RANBP17: variants seen among roughly 807,000 people sequenced by gnomAD.
RANBP17 encodes the protein RAN binding protein 17.
A neutral mutation model predicts 141.2 loss-of-function variants in RANBP17; 158 were observed. The observed-to-expected ratio is 1.12, with a 90% CI of 0.98 to 1.28. The LOEUF (loss-of-function observed/expected upper bound fraction) is 1.28, where lower values mean the gene tolerates loss of function less well. Ranked by LOEUF, RANBP17 falls within the 50% of genes most tolerant of loss-of-function variation. RANBP17 has a pLI of 0.00. For synonymous variants in RANBP17, 430 were observed against 450.0 expected, an observed-to-expected ratio of 0.96 and a Z score of 0.56; for missense variants, 1,438 against 1,290.7, an observed-to-expected ratio of 1.11 and a Z score of -1.75.
chr5:171,184,027 C>G (rs1415568967), intron 18 of RANBP17, among the ~76,000 whole-genome samples: 1 of 152,062 alleles, frequency 6.6e-6, no homozygotes, highest in African/African-American at 2.4e-5. Flanking sequence ...AAGTGAAATT[C>G]TTCAAAAATG....
chr5:171,227,879 T>G (rs1351848215), intron 22 of RANBP17, among the ~76,000 whole-genome samples: 1 of 152,178 alleles, frequency 6.6e-6, no homozygotes, highest in African/African-American at 2.4e-5. Flanking sequence ...TGACGGCACA[T>G]CTGTTTACAG....
intron 14 of RANBP17, among the ~76,000 whole-genome samples, chr5:171,052,464 T>C (rs1302253466): frequency 6.6e-6 from 1 of 152,210 alleles, no homozygotes; most frequent in Non-Finnish European, 1.5e-5. Context: ...CCCAGCACCA[T>C]TTGTTGAAGA....
intron 22 of RANBP17, among the ~76,000 whole-genome samples, chr5:171,235,555 A>G: frequency 6.6e-6 from 1 of 152,086 alleles, no homozygotes; most frequent in East Asian, 1.9e-4. Flanking sequence ...GAAAGGTATA[A>G]ATGGTAGGGA....
At chr5:171,221,428 G>A (rs1763549441) in intron 21 of RANBP17, among the ~76,000 whole-genome samples, 1 of 152,088 alleles carries the variant, frequency 6.6e-6, no homozygotes, top group Admixed American at 6.5e-5. Flanking sequence ...AGACACCTGG[G>A]GTGTTTTATT....
chr5:171,074,908 G>C (rs918931803), intron 14 of RANBP17, among the ~76,000 whole-genome samples: 1 of 152,104 alleles, frequency 6.6e-6, no homozygotes, highest in Non-Finnish European at 1.5e-5. Context: ...TGTCTTCTCT[G>C]CTTTAGATGC....
At chr5:171,091,338 C>T (rs1202467413) in intron 14 of RANBP17, among the ~76,000 whole-genome samples, 4 of 146,252 alleles carry the variant, frequency 2.7e-5, no homozygotes, top group African/African-American at 9.8e-5. Flanking sequence ...TTGTTTTGTC[C>T]AGTTTCCCCC....
intron 14 of RANBP17, among the ~76,000 whole-genome samples, chr5:171,085,146 G>A (rs1316791656): frequency 8.7e-6 from 1 of 114,904 alleles, no homozygotes; most frequent in Non-Finnish European, 1.8e-5. Context: ...TGTATAAGGT[G>A]TAAGGAAGGG....
intron 14 of RANBP17, among the ~76,000 whole-genome samples, chr5:171,128,716 A>T: frequency 6.6e-6 from 1 of 152,296 alleles, no homozygotes; most frequent in Middle Eastern, 3.4e-3. Context: ...TATCCTAAAC[A>T]TCTTGATTTT....
At chr5:171,020,243 G>T (rs1780755572) in intron 14 of RANBP17, among the ~76,000 whole-genome samples, 1 of 152,164 alleles carries the variant, frequency 6.6e-6, no homozygotes, top group Non-Finnish European at 1.5e-5. Context: ...TGTATATCCT[G>T]TTGATTTGGG....
At chr5:171,285,296 A>G (rs1316460617) in intron 25 of RANBP17, among the ~76,000 whole-genome samples, 1 of 152,214 alleles carries the variant, frequency 6.6e-6, no homozygotes, top group Non-Finnish European at 1.5e-5. Flanking sequence ...ATTGTTTGCT[A>G]GTTGGGGGAC....
At chr5:171,217,961 A>G (rs576508832) in intron 21 of RANBP17, among the ~76,000 whole-genome samples, 46 of 151,928 alleles carry the variant, frequency 3.0e-4, no homozygotes, top group African/African-American at 4.3e-4. Flanking sequence ...TTGGTTTTCT[A>G]TTTCTTTTAA....
intron 14 of RANBP17, among the ~76,000 whole-genome samples, chr5:171,083,268 G>C (rs1785373536): frequency 6.6e-6 from 1 of 152,104 alleles, no homozygotes; most frequent in Non-Finnish European, 1.5e-5. Flanking sequence ...AGACATGAGA[G>C]TGGAACCTTC....
chr5:171,172,973 A>G (rs115647068), intron 16 of RANBP17, among the ~76,000 whole-genome samples: 2,332 of 152,098 alleles, frequency 0.015, 54 homozygotes, highest in African/African-American at 0.053. Flanking sequence ...TTTAAAAGCT[A>G]TAATATTTTA....
chr5:170,985,149 GCACACACAGA>G (rs1322526691), intron 14 of RANBP17, among the ~76,000 whole-genome samples: 1 of 149,710 alleles, frequency 6.7e-6, no homozygotes, highest in Non-Finnish European at 1.5e-5. Context: ...ACACACAAAT[GCACACACAGA>G]CACACACACA....
At chr5:171,006,885 A>T (rs181026852) in intron 14 of RANBP17, among the ~76,000 whole-genome samples, 6 of 152,140 alleles carry the variant, frequency 3.9e-5, no homozygotes, top group Non-Finnish European at 7.4e-5. Context: ...AGTTTGTCAT[A>T]ATTAACAGCT....
At chr5:171,023,490 TTTTTA>T (rs1451214826) in intron 14 of RANBP17, among the ~76,000 whole-genome samples, 4 of 152,198 alleles carry the variant, frequency 2.6e-5, no homozygotes, top group African/African-American at 9.6e-5. Context: ...TGTGATATCC[TTTTTA>T]TTTTCTATTT....
chr5:170,896,830 A>T, intron 5 of RANBP17: 1 of 455,658 alleles, frequency 2.2e-6, no homozygotes, highest in South Asian at 2.0e-5. Flanking sequence ...ACTCTGTCTC[A>T]AACAACAATA....
chr5:170,965,812 T>C (rs1390866836), intron 13 of RANBP17, among the ~76,000 whole-genome samples: 1 of 152,162 alleles, frequency 6.6e-6, no homozygotes, highest in Non-Finnish European at 1.5e-5. Context: ...CCTTGTAGTA[T>C]AGTTTGAAGT....
chr5:171,156,476 C>G (rs1430851215), intron 14 of RANBP17, among the ~76,000 whole-genome samples: 3 of 152,038 alleles, frequency 2.0e-5, no homozygotes, highest in Admixed American at 2.0e-4. Flanking sequence ...GAGTAGTTTT[C>G]TAGAACGGCT....
Sources: gnomAD v4.1 joint callset for allele counts (sites outside exome capture counted in the v4.1 genomes callset) on GRCh38, gnomAD v4.1.1 for gene constraint, MANE v1.5 for transcripts, NCBI Gene and HGNC (gene_info 2026-07-23, HGNC 2026-07-21) for gene names.